The following NFIC variants were observed in gnomAD, a reference collection of about 807,000 sequenced individuals.
NFIC encodes nuclear factor 1 C-type.
Under a neutral mutation model 54.4 loss-of-function variants are expected in NFIC, and 12 were observed. The observed-to-expected ratio is 0.22, with a 90% CI of 0.14 to 0.36. The LOEUF (loss-of-function observed/expected upper bound fraction) is 0.36. Ranked by LOEUF, NFIC falls within the 10% of genes least tolerant of loss-of-function variation. The probability of loss-of-function intolerance (pLI) is 1.00; values close to 1 mark genes in which losing one functional copy is unlikely to be tolerated. For synonymous variants in NFIC, 322 were observed against 319.2 expected (o/e 1.01, Z -0.09); for missense variants, 575 against 718.2 (o/e 0.80, Z 2.28).
intron 3 of NFIC, among the ~76,000 whole-genome samples, chr19:3,429,640 G>T (rs1239749663): frequency 6.6e-6 from 1 of 152,152 alleles, no homozygotes; most frequent in African/African-American, 2.4e-5. Context: ...TGGGTCTGCA[G>T]AACTGGACAC....
At chr19:3,442,525 T>C (rs1034780309) in intron 6 of NFIC, among the ~76,000 whole-genome samples, 1 of 152,102 alleles carries the variant, frequency 6.6e-6, no homozygotes, top group African/African-American at 2.4e-5. Flanking sequence ...GGACTGGGAC[T>C]ACAGGCGCCT....
chr19:3,434,262 T>C lies in NFIC; in HGVS notation c.710-15T>C, dbSNP rs563599592. On this transcript the variant is annotated splice_polypyrimidine_tract_variant and intron_variant, in intron 4 of 10. Transcript: ENST00000443272. Reference sequence around the variant, plus strand: ...CACTGCTTCCTGCCTCACTCTCCTCTGTCACCCTCTGCAGCACCCGTGGTG... The same window carrying C: ...CACTGCTTCCTGCCTCACTCTCCTCCGTCACCCTCTGCAGCACCCGTGGTG... The C allele has an allele frequency of 6.2e-6, 10 of 1,603,752 alleles. No individual in the cohort carries two copies. In the South Asian group the frequency reaches 8.9e-5, roughly 14 times the overall value.
At chr19:3,363,883 A>G (rs556469684), upstream of NFIC, among the ~76,000 whole-genome samples, 17 of 152,334 alleles carry the variant, frequency 1.1e-4, 1 homozygote, top group South Asian at 2.1e-3. Context: ...ATCCAGCCCC[A>G]GTGTCCACAG....
intron 1 of NFIC, among the ~76,000 whole-genome samples, chr19:3,372,450 G>A (rs1175902103): frequency 1.3e-5 from 2 of 152,208 alleles, no homozygotes; most frequent in African/African-American, 4.8e-5. Context: ...CAGAAGATGG[G>A]AGCATTGCTT....
chr19:3,390,577 T>C (rs754298433), intron 2 of NFIC, among the ~76,000 whole-genome samples: 1 of 152,130 alleles, frequency 6.6e-6, no homozygotes, highest in Non-Finnish European at 1.5e-5. Context: ...CAAATGGGGA[T>C]GATAATAATC....
At chr19:3,413,790 C>T (rs1350077229) in intron 2 of NFIC, among the ~76,000 whole-genome samples, 1 of 152,042 alleles carries the variant, frequency 6.6e-6, no homozygotes, top group Non-Finnish European at 1.5e-5. Context: ...GCACGCACCA[C>T]CACGCCAGGC....
At position 3,463,317 on chromosome 19, in the gene NFIC, C is replaced by T. The variant is rs922364257; in HGVS notation, c.*548C>T. Reference sequence around the variant, plus strand: ...CACGGACCGGCCCCTCAGCCCCCACCGAGGACGCAGCCACTGGGGGGAAAG... The same window carrying T: ...CACGGACCGGCCCCTCAGCCCCCACTGAGGACGCAGCCACTGGGGGGAAAG... On this transcript the variant is annotated 3_prime_UTR_variant, in exon 11 of 11. Coordinates refer to ENST00000443272, the MANE Select transcript of NFIC (RefSeq NM_001245002.2). The T allele has an allele frequency of 6.1e-6, 6 of 986,954 alleles. No homozygotes were observed. The South Asian group carries it at 2.8e-4, about 46-fold the overall frequency. The allele number at this position is 986,954 out of a possible 1,614,324, so 61.1% of individuals were successfully genotyped here. A position where few individuals can be genotyped will look rare whatever the true frequency, so the allele number is the denominator to read the frequency against.
At position 3,433,592 on chromosome 19, in the gene NFIC, A is replaced by G. The variant is rs1358231334; in HGVS notation, c.709A>G (p.Thr237Ala). 1.9e-6 allele frequency: 3 copies of G among 1,613,530 alleles called. No homozygotes were observed. Among genetic ancestry groups the G allele is most frequent in the Non-Finnish European group, 2.5e-6 (3 of 1,179,696 alleles). Residue 237 changes from threonine to alanine, a missense_variant and splice_region_variant, in exon 4 of 11, where the codon ACA (threonine) becomes GCA (alanine). By Grantham distance (58) the Thr-to-Ala change is moderately conservative. This residue lies in a region of NFIC where 447 missense variants were observed against 526.9 expected (regional missense o/e 0.85). Coordinates refer to ENST00000443272, the MANE Select transcript of NFIC (RefSeq NM_001245002.2). ...SVTELIQVSRTPVVTGTGPNF... is the reference protein window; with the variant it reads ...SVTELIQVSRAPVVTGTGPNF... Reference sequence around the variant, plus strand: ...CACTGAGCTCATCCAAGTGTCCCGGAGTGAGTGTTCCCGTCAGCCCTGAGC... The same window carrying G: ...CACTGAGCTCATCCAAGTGTCCCGGGGTGAGTGTTCCCGTCAGCCCTGAGC...
intron 2 of NFIC, among the ~76,000 whole-genome samples, chr19:3,410,072 G>A (rs913987155): frequency 2.0e-5 from 3 of 151,234 alleles, no homozygotes; most frequent in Non-Finnish European, 2.9e-5. Flanking sequence ...ACGGAGTCTC[G>A]CTCCTTTGCA....
intron 2 of NFIC, among the ~76,000 whole-genome samples, chr19:3,398,785 C>T (rs138195178): frequency 6.6e-6 from 1 of 152,152 alleles, no homozygotes; most frequent in Non-Finnish European, 1.5e-5. Flanking sequence ...GCAGCCGGCC[C>T]GCTTACATAA....
chr19:3,359,631 G>T, upstream of NFIC: 1 of 1,328,440 alleles, frequency 7.5e-7, no homozygotes, highest in Non-Finnish European at 9.7e-7. Context: ...CCCCTCGCCG[G>T]GGACCGAGCG....
upstream of NFIC, among the ~76,000 whole-genome samples, chr19:3,366,104 G>A (rs559406364): frequency 3.4e-4 from 52 of 151,926 alleles, no homozygotes; most frequent in African/African-American, 1.2e-3. Context: ...TGGGGAGGGG[G>A]GGCCTTAAAA....
At chr19:3,445,748 G>A (rs898249085) in intron 6 of NFIC, among the ~76,000 whole-genome samples, 78 of 152,196 alleles carry the variant, frequency 5.1e-4, no homozygotes, top group Admixed American at 5.0e-3. Context: ...TGGTAACCCC[G>A]TTCAGGGAAG....
intron 2 of NFIC, among the ~76,000 whole-genome samples, chr19:3,389,124 A>T (rs1358080052): frequency 6.6e-6 from 1 of 152,194 alleles, no homozygotes; most frequent in Admixed American, 6.5e-5. Flanking sequence ...CATACAGTGC[A>T]GGCCGTGCAC....
intron 6 of NFIC, 45 bp downstream of exon 6, chr19:3,435,252 A>C (rs1283180470): frequency 1.3e-6 from 2 of 1,512,414 alleles, no homozygotes; most frequent in South Asian, 2.5e-5. Context: ...GGTCTGAGTC[A>C]CCGTGGCGGG....
At chr19:3,366,763 G>GCGTCCCTC (rs1448073191) in intron 1 of NFIC, 97 bp downstream of exon 1, 1 of 883,084 alleles carries the variant, frequency 1.1e-6, no homozygotes, top group Non-Finnish European at 1.6e-6. Flanking sequence ...AAAAAGGCGC[G>GCGTCCCTC]CGTCCCTCCC....
chr19:3,413,701 G>A (rs568823932), intron 2 of NFIC, among the ~76,000 whole-genome samples: 11 of 152,144 alleles, frequency 7.2e-5, no homozygotes, highest in African/African-American at 2.4e-4. Flanking sequence ...GTACAATGGC[G>A]CGATCTTGGC....
chr19:3,433,943 C>T (rs2082159580), intron 4 of NFIC, among the ~76,000 whole-genome samples: 1 of 152,144 alleles, frequency 6.6e-6, no homozygotes, highest in African/African-American at 2.4e-5. Context: ...GGGGACCCAG[C>T]ACATTCCGTC....
Position 3,469,157 on chromosome 19 carries a change from CAAAAA to C in NFIC, c.*6394_*6398del, listed in dbSNP as rs869203122. 2 of 36,178 alleles carry C rather than the reference CAAAAA, an allele frequency of 5.5e-5. No homozygotes were observed. Among genetic ancestry groups the C allele is most frequent in the Non-Finnish European group, 9.6e-5 (2 of 20,926 alleles). The allele number at this position is 36,178 out of a possible 1,614,324, so 2.2% of individuals were successfully genotyped here. On this transcript the variant is annotated 3_prime_UTR_variant, in exon 11 of 11. Transcript: ENST00000443272. The stretch of plus-strand genomic sequence containing the variant: ...CATAAAAGATTCAATAAAAGACAAA[CAAAAA>C]AAAAAGAAAAAAGAAAAAAATGTAT...
Sources: allele counts gnomAD v4.1 joint callset (sites outside exome capture counted in the v4.1 genomes callset), GRCh38; gene constraint gnomAD v4.1.1; regional missense constraint gnomAD v4.1.1; transcripts MANE v1.5; gene names NCBI Gene and HGNC (gene_info 2026-07-23, HGNC 2026-07-21).